The following RAI14 variants were observed in gnomAD, a reference collection of about 807,000 sequenced individuals.
RAI14 encodes retinoic acid induced 14.
A neutral mutation model predicts 115.4 loss-of-function variants in RAI14; 45 were observed. The ratio of observed to expected loss-of-function variants is 0.39; its 90% CI spans 0.31 to 0.50. RAI14 has a LOEUF of 0.50. RAI14 is among the 20% of genes least tolerant of loss of function. The pLI, the probability that RAI14 is intolerant of heterozygous loss-of-function variation, is 0.85. For synonymous variants in RAI14, 371 were observed against 415.4 expected (o/e 0.89, Z 1.30); for missense variants, 939 against 1,131.2 (o/e 0.83, Z 2.44).
chr5:34,729,645 G>T (rs1350646799), intron 2 of RAI14, among the ~76,000 whole-genome samples: 2 of 152,086 alleles, frequency 1.3e-5, no homozygotes, highest in Non-Finnish European at 2.9e-5. Context: ...AGGAAAACAT[G>T]TTAAATGTCA....
intron 3 of RAI14, among the ~76,000 whole-genome samples, chr5:34,763,187 AGG>A (rs1371384500): frequency 1.3e-5 from 2 of 152,144 alleles, no homozygotes; most frequent in Non-Finnish European, 2.9e-5. Flanking sequence ...TTCTCAGTAT[AGG>A]GATGTATTAG....
At chr5:34,780,399 G>T (rs1484501278) in intron 3 of RAI14, among the ~76,000 whole-genome samples, 1 of 152,146 alleles carries the variant, frequency 6.6e-6, no homozygotes, top group Non-Finnish European at 1.5e-5. Context: ...AAGAGCTTCT[G>T]CACAGCAAAA....
Position 34,791,597 on chromosome 5 carries a change from T to C in RAI14, c.168-4342T>C, listed in dbSNP as rs2150193444. On this transcript the variant is annotated intron_variant, in intron 3 of 17. Transcript: ENST00000265109. This position sits in a 1 kb window ranked among gnomAD's most constrained non-coding sequence, Gnocchi z 5.4. ...ATCCTGTGGATCATCACACACAAAA[T>C]ACCCAACCCTGCTGTCATTCAGGGT... Among the ~76,000 whole-genome samples, 1 of 152,132 alleles carries C rather than the reference T, an allele frequency of 6.6e-6. No homozygotes were observed. Among genetic ancestry groups the C allele is most frequent in the Admixed American group, 6.5e-5 (1 of 15,288 alleles).
intron 3 of RAI14, among the ~76,000 whole-genome samples, chr5:34,779,607 C>A (rs1751350927): frequency 6.6e-6 from 1 of 152,168 alleles, no homozygotes; most frequent in South Asian, 2.1e-4. Flanking sequence ...CATGAGTGAA[C>A]TCCCATTCAC....
intron 14 of RAI14, among the ~76,000 whole-genome samples, chr5:34,822,453 C>G (rs529192471): frequency 1.2e-4 from 18 of 150,892 alleles, no homozygotes; most frequent in African/African-American, 3.9e-4. Flanking sequence ...GTAGAGAAAA[C>G]AATTTTAGTG....
intron 1 of RAI14, among the ~76,000 whole-genome samples, chr5:34,672,250 C>A (rs1743669811): frequency 2.0e-5 from 3 of 152,124 alleles, no homozygotes; most frequent in Admixed American, 2.0e-4. Flanking sequence ...AGTTAAGATT[C>A]AGTGCATATG....
chr5:34,796,847 TACAC>T (rs746901045), intron 4 of RAI14, among the ~76,000 whole-genome samples: 1 of 151,460 alleles, frequency 6.6e-6, no homozygotes, highest in Admixed American at 6.6e-5. Flanking sequence ...CACACACACA[TACAC>T]ACACACACAA....
intron 3 of RAI14, among the ~76,000 whole-genome samples, chr5:34,764,146 C>G (rs950062335): frequency 6.6e-6 from 1 of 152,172 alleles, no homozygotes; most frequent in Non-Finnish European, 1.5e-5. Context: ...CCACTGCACC[C>G]GGCAATCACC....
intron 3 of RAI14, among the ~76,000 whole-genome samples, chr5:34,770,452 G>T (rs1750006896): frequency 6.6e-6 from 1 of 152,128 alleles, no homozygotes; most frequent in South Asian, 2.1e-4. Context: ...CTGCCTTCAT[G>T]GTACACACAG....
chr5:34,810,672 C>T (rs76841445), intron 7 of RAI14, among the ~76,000 whole-genome samples: 1,601 of 152,150 alleles, frequency 0.011, 31 homozygotes, highest in African/African-American at 0.032. Context: ...TCTCCAGCAC[C>T]GTCCCTCAGT....
At chr5:34,699,821 G>A (rs1403234005) in intron 2 of RAI14, among the ~76,000 whole-genome samples, 5 of 152,154 alleles carry the variant, frequency 3.3e-5, no homozygotes, top group Admixed American at 2.0e-4. Context: ...GATTCCAGCC[G>A]GCCAAGTAAA....
intron 2 of RAI14, chr5:34,687,822 C>T (rs148028552): frequency 9.0e-5 from 123 of 1,371,590 alleles, no homozygotes; most frequent in Non-Finnish European, 1.1e-4. Flanking sequence ...TATATTTTGA[C>T]AGCTTGGCAC....
chr5:34,808,365 CT>C (rs1346171197), intron 6 of RAI14, among the ~76,000 whole-genome samples: 3 of 152,214 alleles, frequency 2.0e-5, no homozygotes, highest in African/African-American at 4.8e-5. Context: ...CTAAAGGCAA[CT>C]GGCAGTCATT....
intron 2 of RAI14, among the ~76,000 whole-genome samples, chr5:34,711,346 G>A (rs1159556273): frequency 7.9e-5 from 12 of 151,736 alleles, no homozygotes; most frequent in Admixed American, 7.9e-4. Context: ...CAAGGGTGGG[G>A]AGAATTACAG....
intron 3 of RAI14, among the ~76,000 whole-genome samples, chr5:34,771,017 A>G (rs1011988326): frequency 1.3e-5 from 2 of 152,192 alleles, no homozygotes; most frequent in African/African-American, 2.4e-5. Context: ...GTTATGTACC[A>G]TGAAGTATTT....
intron 2 of RAI14, among the ~76,000 whole-genome samples, chr5:34,727,785 A>G (rs1046260846): frequency 3.3e-5 from 5 of 152,328 alleles, no homozygotes; most frequent in African/African-American, 1.2e-4. Flanking sequence ...GGATGTATGG[A>G]AATGCCTGGA....
intron 3 of RAI14, among the ~76,000 whole-genome samples, chr5:34,786,771 C>A (rs1752351965): frequency 6.6e-6 from 1 of 152,122 alleles, no homozygotes. Flanking sequence ...GTCGTGGAGA[C>A]CCTAACCCAG....
intron 2 of RAI14, among the ~76,000 whole-genome samples, chr5:34,700,846 A>G (rs1328165274): frequency 6.6e-6 from 1 of 152,214 alleles, no homozygotes; most frequent in African/African-American, 2.4e-5. Context: ...CACACTAAAG[A>G]GCCACAGTTA....
intron 7 of RAI14, among the ~76,000 whole-genome samples, chr5:34,809,562 A>G (rs1242252072): frequency 6.6e-6 from 1 of 151,770 alleles, no homozygotes; most frequent in Non-Finnish European, 1.5e-5. Flanking sequence ...TCAGCCTCAA[A>G]GAGTGTGTTT....
Sources: gnomAD v4.1 joint callset for allele counts (sites outside exome capture counted in the v4.1 genomes callset) on GRCh38, gnomAD v4.1.1 for gene constraint, Gnocchi (gnomAD v3.1) non-coding constraint, MANE v1.5 for transcripts, NCBI Gene and HGNC (gene_info 2026-07-23, HGNC 2026-07-21) for gene names.